Variants in PCBP3 observed in about 807,000 individuals in gnomAD.
PCBP3 encodes poly(rC) binding protein 3.
A neutral mutation model predicts 52.7 loss-of-function variants in PCBP3; 25 were observed. That is an observed-to-expected ratio of 0.47 (90% CI 0.35 to 0.66). The LOEUF (loss-of-function observed/expected upper bound fraction) is 0.66. PCBP3 is among the 30% of genes least tolerant of loss of function. PCBP3 has a pLI of 0.01. For missense variants in PCBP3, 391 were observed against 490.3 expected (o/e 0.80, Z 1.91); for synonymous variants, 162 against 183.0 (o/e 0.89, Z 0.93).
chr21:45,814,871 C>G (rs970009980), intron 4 of PCBP3, among the ~76,000 whole-genome samples: 774 of 23,038 alleles, frequency 0.034, no homozygotes, highest in Admixed American at 0.047. Flanking sequence ...TGAGTGGTGA[C>G]TGGTGAGTGA....
At chr21:45,672,345 T>C (rs888583637) in intron 2 of PCBP3, among the ~76,000 whole-genome samples, 3 of 152,134 alleles carry the variant, frequency 2.0e-5, no homozygotes, top group African/African-American at 4.8e-5. Flanking sequence ...TATTCTGTTA[T>C]AAGCAACAGA....
intron 4 of PCBP3, among the ~76,000 whole-genome samples, chr21:45,840,456 CAAA>C (rs36059363): frequency 2.4e-4 from 21 of 87,960 alleles, no homozygotes; most frequent in East Asian, 8.5e-4. Flanking sequence ...GACCCTGTCT[CAAA>C]AAAAAAAAAA....
At chr21:45,878,611 G>A (rs1359562694) in intron 5 of PCBP3, among the ~76,000 whole-genome samples, 7 of 152,194 alleles carry the variant, frequency 4.6e-5, no homozygotes, top group Non-Finnish European at 8.8e-5. Context: ...GCTAAACAGC[G>A]GTGCAGAAGC....
chr21:45,670,794 C>A (rs1388276672), intron 2 of PCBP3, among the ~76,000 whole-genome samples: 2 of 152,296 alleles, frequency 1.3e-5, no homozygotes, highest in African/African-American at 4.8e-5. Flanking sequence ...AATTTCAGGG[C>A]CTTACATGGT....
At position 45,726,480 on chromosome 21, in the gene PCBP3, A is replaced by C. The variant is rs995245479; in HGVS notation, c.-199-8912A>C. On this transcript the variant is annotated intron_variant, in intron 2 of 17. Transcript: ENST00000681687. ...TTGCTCCACTCTATCCTGGGTGCTCATGCCCCAGATCTCTGTGTGCTCAAG... is the reference window on the plus strand; with the variant it reads ...TTGCTCCACTCTATCCTGGGTGCTCCTGCCCCAGATCTCTGTGTGCTCAAG... Among the ~76,000 whole-genome samples the C allele has an allele frequency of 1.1e-4, 17 of 152,170 alleles. 1 individual carries two copies. The highest frequency in any genetic ancestry group is 6.8e-3 in the Middle Eastern group (2 of 294).
intron 2 of PCBP3, among the ~76,000 whole-genome samples, chr21:45,677,168 A>G (rs1273895487): frequency 6.6e-6 from 1 of 152,240 alleles, no homozygotes; most frequent in East Asian, 1.9e-4. Context: ...CCAAACAACC[A>G]GGTTATGAAT....
intron 4 of PCBP3, among the ~76,000 whole-genome samples, chr21:45,786,828 A>G (rs1039478382): frequency 2.6e-5 from 4 of 152,232 alleles, no homozygotes; most frequent in Admixed American, 2.6e-4. Flanking sequence ...ACAGAATAAT[A>G]GTCATTAAAA....
At chr21:45,722,310 G>A (rs2084706410) in intron 2 of PCBP3, among the ~76,000 whole-genome samples, 1 of 152,224 alleles carries the variant, frequency 6.6e-6, no homozygotes, top group Admixed American at 6.5e-5. Flanking sequence ...GTATGTGTGT[G>A]TAGAAGTACA....
chr21:45,923,472 C>G, intron 13 of PCBP3, among the ~76,000 whole-genome samples: 1 of 152,338 alleles, frequency 6.6e-6, no homozygotes, highest in East Asian at 1.9e-4. Context: ...GCTTGGAACA[C>G]CGCACCCTCT....
intron 4 of PCBP3, among the ~76,000 whole-genome samples, chr21:45,844,395 G>A (rs2093761783): frequency 6.6e-6 from 1 of 152,090 alleles, no homozygotes; most frequent in Non-Finnish European, 1.5e-5. Context: ...CCCTTCACAT[G>A]GTCCAGATGT....
intron 4 of PCBP3, among the ~76,000 whole-genome samples, chr21:45,841,940 G>A (rs533764605): frequency 3.3e-5 from 5 of 152,200 alleles, no homozygotes; most frequent in Non-Finnish European, 7.3e-5. Flanking sequence ...CACTCTCCAC[G>A]CTGAGCTGTT....
chr21:45,894,039 G>C, intron 5 of PCBP3: 1 of 985,440 alleles, frequency 1.0e-6, no homozygotes, highest in Non-Finnish European at 1.2e-6. Context: ...GGGAGAGCCA[G>C]AGAGTGGTTG....
intron 13 of PCBP3, chr21:45,918,093 A>G (rs373617): frequency 0.65 from 151,889 of 232,764 alleles, 52,477 homozygotes; most frequent in African/African-American, 0.88. Flanking sequence ...ACATGAAAAC[A>G]TAGGGTCCAT....
At chr21:45,911,441 A>C (rs1327994498) in intron 11 of PCBP3, 11 of 288,352 alleles carry the variant, frequency 3.8e-5, no homozygotes, top group South Asian at 3.3e-4. Flanking sequence ...TCCTCTGCGC[A>C]TGCAGTTCTG....
intron 4 of PCBP3, 71 bp from the exon 5 acceptor site, chr21:45,849,890 G>C (rs928389782): frequency 9.8e-6 from 6 of 609,256 alleles, no homozygotes; most frequent in Non-Finnish European, 1.5e-5. Flanking sequence ...AGGCAGTTCC[G>C]TTGAAGCCCA....
intron 4 of PCBP3, among the ~76,000 whole-genome samples, chr21:45,844,868 G>GAAGTTTATATATA (rs2093774621): frequency 7.6e-6 from 1 of 131,506 alleles, no homozygotes; most frequent in Non-Finnish European, 1.6e-5. Context: ...CTTTATATAC[G>GAAGTTTATATATA]TATATGAAGT....
intron 5 of PCBP3, among the ~76,000 whole-genome samples, chr21:45,881,695 C>G (rs12185857): frequency 2.0e-5 from 3 of 152,210 alleles, no homozygotes; most frequent in Non-Finnish European, 4.4e-5. Flanking sequence ...GAACTTGTGC[C>G]AGTGACCAAC....
At position 45,791,228 on chromosome 21, in the gene PCBP3, A is replaced by G. The variant is rs2091536044; in HGVS notation, c.-126+35776A>G. The stretch of plus-strand genomic sequence containing the variant: ...GAATCGGTATGAGATATGCATATTT[A>G]TATGTTTTTGATGTACGATAAAAGG... On this transcript the variant is annotated intron_variant, in intron 4 of 17. Coordinates refer to ENST00000681687, the MANE Select transcript of PCBP3 (RefSeq NM_001384156.1). The surrounding 1 kb of genome is among the most constrained non-coding windows in gnomAD (Gnocchi z 4.2). 6.6e-6 allele frequency among the ~76,000 whole-genome samples: 1 copy of G among 152,170 alleles called. No individual in the cohort carries two copies. Among genetic ancestry groups the G allele is most frequent in the African/African-American group, 2.4e-5 (1 of 41,426 alleles).
chr21:45,649,219 T>A (rs1397175797), intron 1 of PCBP3, among the ~76,000 whole-genome samples: 1 of 152,120 alleles, frequency 6.6e-6, no homozygotes, highest in African/African-American at 2.4e-5. Flanking sequence ...AAACTCCCCT[T>A]TTAAAACTAT....
Sources: allele counts gnomAD v4.1 joint callset (sites outside exome capture counted in the v4.1 genomes callset), GRCh38; gene constraint gnomAD v4.1.1; non-coding constraint Gnocchi (gnomAD v3.1); transcripts MANE v1.5; gene names NCBI Gene and HGNC (gene_info 2026-07-23, HGNC 2026-07-21).